The following FHIT variants were observed in gnomAD, a reference collection of about 807,000 sequenced individuals.
The protein encoded by FHIT is bis(5'-adenosyl)-triphosphatase.
In FHIT, 19 loss-of-function variants were observed where a neutral mutation model predicts 17.9. The observed-to-expected ratio is 1.06, with a 90% CI of 0.74 to 1.56. The LOEUF is 1.56. Among genes scored for constraint, FHIT ranks in the 40% most tolerant of loss-of-function variants. The pLI, the probability that FHIT is intolerant of heterozygous loss-of-function variation, is 0.00. For missense variants in FHIT, 248 were observed against 189.2 expected (o/e 1.31, Z -1.82); for synonymous variants, 81 against 69.7 (o/e 1.16, Z -0.81).
At chr3:60,347,682 G>A (rs1042711775) in intron 5 of FHIT, among the ~76,000 whole-genome samples, 1 of 142,966 alleles carries the variant, frequency 7.0e-6, no homozygotes, top group Non-Finnish European at 1.5e-5. Flanking sequence ...GTTTGGGGGG[G>A]GGGGGGGTTT....
chr3:60,699,841 T>A (rs2041200320), intron 4 of FHIT, among the ~76,000 whole-genome samples: 2 of 150,896 alleles, frequency 1.3e-5, no homozygotes, highest in South Asian at 4.2e-4. Context: ...GCATAACAAA[T>A]TAAACAAAAA....
chr3:59,808,024 G>C (rs2107024253), intron 8 of FHIT, among the ~76,000 whole-genome samples: 1 of 152,220 alleles, frequency 6.6e-6, no homozygotes, highest in East Asian at 1.9e-4. Flanking sequence ...CCGCTACCTA[G>C]TTTCAGAACA....
intron 5 of FHIT, among the ~76,000 whole-genome samples, chr3:60,189,286 T>G (rs542617918): frequency 1.3e-5 from 2 of 152,276 alleles, no homozygotes; most frequent in East Asian, 1.9e-4. Flanking sequence ...ATTCTCTAAC[T>G]AGATCTCCGG....
At chr3:60,137,882 T>C (rs1229200159) in intron 5 of FHIT, among the ~76,000 whole-genome samples, 1 of 152,052 alleles carries the variant, frequency 6.6e-6, no homozygotes, top group Non-Finnish European at 1.5e-5. Flanking sequence ...TAAATGAATA[T>C]CCGTTGAAAT....
chr3:60,425,975 A>G (rs1366432633), intron 5 of FHIT, among the ~76,000 whole-genome samples: 1 of 152,166 alleles, frequency 6.6e-6, no homozygotes. Context: ...TATGCAGAGA[A>G]TTTATGTGCA....
At chr3:59,837,950 C>A (rs1354838133) in intron 8 of FHIT, among the ~76,000 whole-genome samples, 1 of 152,090 alleles carries the variant, frequency 6.6e-6, no homozygotes, top group Non-Finnish European at 1.5e-5. Flanking sequence ...GTGCCTAGTA[C>A]CCTGTAAGCC....
chr3:59,765,538 G>GACTT (rs778191303), intron 8 of FHIT, among the ~76,000 whole-genome samples: 5 of 152,174 alleles, frequency 3.3e-5, no homozygotes, highest in Admixed American at 6.5e-5. Context: ...TTAGAACTTG[G>GACTT]ACTTATTACT....
chr3:60,237,506 T>A (rs1043811776), intron 5 of FHIT, among the ~76,000 whole-genome samples: 2 of 152,182 alleles, frequency 1.3e-5, no homozygotes, highest in African/African-American at 2.4e-5. Flanking sequence ...GGGACCTTGA[T>A]GAGTGTCTTC....
chr3:61,159,904 T>A (rs1347899863), intron 2 of FHIT, among the ~76,000 whole-genome samples: 2 of 152,222 alleles, frequency 1.3e-5, no homozygotes, highest in African/African-American at 4.8e-5. Flanking sequence ...TATGTGCACA[T>A]GCCTCTTTCT....
intron 3 of FHIT, among the ~76,000 whole-genome samples, chr3:60,892,815 CA>C (rs1250634757): frequency 6.6e-6 from 1 of 152,002 alleles, no homozygotes; most frequent in African/African-American, 2.4e-5. Context: ...TGCGTAAATG[CA>C]TATGATATAA....
At chr3:59,818,617 G>A (rs893492188) in intron 8 of FHIT, among the ~76,000 whole-genome samples, 1 of 152,180 alleles carries the variant, frequency 6.6e-6, no homozygotes, top group Admixed American at 6.5e-5. Context: ...TTTACAAAAA[G>A]TAACATTTGC....
At chr3:60,021,492 G>T (rs931941764) in intron 5 of FHIT, among the ~76,000 whole-genome samples, 4 of 152,096 alleles carry the variant, frequency 2.6e-5, no homozygotes, top group Non-Finnish European at 5.9e-5. Flanking sequence ...ACTGATTGAG[G>T]GAAGAGCATC....
intron 3 of FHIT, among the ~76,000 whole-genome samples, chr3:61,036,950 C>T (rs1575883645): frequency 7.2e-6 from 1 of 138,648 alleles, no homozygotes; most frequent in African/African-American, 2.7e-5. Context: ...CTCGCTCTTT[C>T]GCCTAGGCCG....
At chr3:60,952,174 C>CAA (rs1708916235) in intron 3 of FHIT, among the ~76,000 whole-genome samples, 1 of 135,606 alleles carries the variant, frequency 7.4e-6, no homozygotes, top group African/African-American at 3.0e-5. Context: ...TCCCCACCCC[C>CAA]CCCCCAAAAA....
At chr3:60,998,926 T>C (rs908953331) in intron 3 of FHIT, among the ~76,000 whole-genome samples, 12 of 150,650 alleles carry the variant, frequency 8.0e-5, no homozygotes, top group African/African-American at 2.7e-4. Context: ...TGAGTGACTT[T>C]AAGTGCACAG....
chr3:61,027,004 A>C (rs1046579376), intron 3 of FHIT, among the ~76,000 whole-genome samples: 1 of 152,084 alleles, frequency 6.6e-6, no homozygotes, highest in South Asian at 2.1e-4. Flanking sequence ...ATTATTATAG[A>C]ATTATACAAA....
At chr3:60,781,074 A>G (rs1700370849) in intron 4 of FHIT, among the ~76,000 whole-genome samples, 1 of 152,178 alleles carries the variant, frequency 6.6e-6, no homozygotes, top group Non-Finnish European at 1.5e-5. Context: ...AAAGTCCTGC[A>G]ACACCTCCAA....
chr3:60,591,315 GC>G (rs2038076586), intron 4 of FHIT, among the ~76,000 whole-genome samples: 1 of 151,970 alleles, frequency 6.6e-6, no homozygotes, highest in Admixed American at 6.6e-5. Context: ...TAGTTTGGAG[GC>G]CCACCTTCTC....
intron 8 of FHIT, among the ~76,000 whole-genome samples, chr3:59,801,975 C>T (rs888306842): frequency 1.3e-5 from 2 of 152,230 alleles, no homozygotes; most frequent in Non-Finnish European, 2.9e-5. Flanking sequence ...TTCCAGACTA[C>T]ACCCATTCTT....
Sources: allele counts gnomAD v4.1 joint callset (sites outside exome capture counted in the v4.1 genomes callset), GRCh38; gene constraint gnomAD v4.1.1; transcripts MANE v1.5; gene names NCBI Gene and HGNC (gene_info 2026-07-23, HGNC 2026-07-21).